The following CCDC60 variants were observed in gnomAD, a reference collection of about 807,000 sequenced individuals.
CCDC60 encodes the protein coiled-coil domain-containing protein 60.
A neutral mutation model predicts 63.5 loss-of-function variants in CCDC60; 54 were observed. That is an observed-to-expected ratio of 0.85 (90% CI 0.68 to 1.07). The LOEUF (loss-of-function observed/expected upper bound fraction) is 1.07. CCDC60 is among the 50% of genes least tolerant of loss of function. The pLI is 0.00. For synonymous variants in CCDC60, 206 were observed against 238.8 expected (o/e 0.86, Z 1.27); for missense variants, 651 against 684.3 (o/e 0.95, Z 0.54).
chr12:119,534,540 T>C (rs1444327258), intron 13 of CCDC60, among the ~76,000 whole-genome samples: 2 of 152,316 alleles, frequency 1.3e-5, no homozygotes, highest in Non-Finnish European at 2.9e-5. Context: ...CAGTATGATA[T>C]TGGCTGTGGG....
At chr12:119,479,443 C>G in intron 4 of CCDC60, 1 of 486,290 alleles carries the variant, frequency 2.1e-6, no homozygotes, top group South Asian at 2.3e-5. Context: ...GCCAGACGCT[C>G]TAATGTCAAA....
At position 119,410,183 on chromosome 12, in the gene CCDC60, G is replaced by GTGTGTGTGTGTGTGTGTGTC. The variant is rs1956568394; in HGVS notation, c.91-18483_91-18482insGTCTGTGTGTGTGTGTGTGT. Among the ~76,000 whole-genome samples, 2 of 13,320 alleles carry GTGTGTGTGTGTGTGTGTGTC rather than the reference G, an allele frequency of 1.5e-4. No homozygotes were observed. The highest frequency in any genetic ancestry group is 8.1e-4 in the African/African-American group (2 of 2,482). 8.7% of individuals were successfully genotyped at this position (13,320 alleles called of 152,430 possible). ...AAGGTAGATGCTAGTGTTGGAAAGA[G>GTGTGTGTGTGTGTGTGTGTC]TGTGTGTGTGTGTGTGTCTGTGTGT... On this transcript the variant is annotated intron_variant, in intron 1 of 13. Coordinates refer to ENST00000327554, the MANE Select transcript of CCDC60 (RefSeq NM_178499.5). The surrounding 1 kb of genome is among the most constrained non-coding windows in gnomAD (Gnocchi z 4.0).
chr12:119,461,610 A>T (rs1950858414), intron 2 of CCDC60, among the ~76,000 whole-genome samples: 1 of 152,182 alleles, frequency 6.6e-6, no homozygotes, highest in Non-Finnish European at 1.5e-5. Context: ...GTTGAGAAGA[A>T]ATTGTATTGC....
At chr12:119,442,443 G>A (rs756155630) in intron 2 of CCDC60, among the ~76,000 whole-genome samples, 10 of 152,122 alleles carry the variant, frequency 6.6e-5, no homozygotes, top group South Asian at 2.1e-4. Context: ...GCGAAACCAC[G>A]TCTCTATGAA....
At chr12:119,377,950 C>T (rs1423380466) in intron 1 of CCDC60, among the ~76,000 whole-genome samples, 4 of 152,064 alleles carry the variant, frequency 2.6e-5, no homozygotes, top group East Asian at 1.9e-4. Flanking sequence ...GTTTCATAGG[C>T]GAAAGAAAGA....
chr12:119,418,382 CT>C (rs1202154024), intron 1 of CCDC60, among the ~76,000 whole-genome samples: 1 of 60,726 alleles, frequency 1.6e-5, no homozygotes, highest in African/African-American at 5.3e-5. Flanking sequence ...CCTTTTCTTT[CT>C]TTCTTTTTTT....
chr12:119,513,894 A>AAGTACT (rs1952281512), intron 7 of CCDC60, among the ~76,000 whole-genome samples: 1 of 152,218 alleles, frequency 6.6e-6, no homozygotes, highest in Admixed American at 6.5e-5. Flanking sequence ...TGGTTTATAT[A>AAGTACT]AGTACTACAC....
intron 2 of CCDC60, among the ~76,000 whole-genome samples, chr12:119,433,926 G>T (rs983509611): frequency 1.3e-5 from 2 of 152,180 alleles, no homozygotes; most frequent in Admixed American, 1.3e-4. Flanking sequence ...GACAATCAGG[G>T]TCTCTTTGCA....
Position 119,388,313 on chromosome 12 carries a change from G to A in CCDC60, c.91-40370G>A, listed in dbSNP as rs76512611. The A allele has an allele frequency of 2.0e-5, 3 of 152,340 alleles. No homozygotes were observed. The East Asian group carries it at 5.8e-4, about 29-fold the overall frequency. 9.4% of individuals were successfully genotyped at this position (152,340 alleles called of 1,614,324 possible). ...ACCGTGACTGTCATGGACCAATTGT[G>A]ATTCCTTCTCTTGTTCTTGGAGGAA... On this transcript the variant is annotated intron_variant, in intron 1 of 13. Coordinates refer to ENST00000327554, the MANE Select transcript of CCDC60 (RefSeq NM_178499.5).
At chr12:119,511,344 A>T (rs995620211) in intron 7 of CCDC60, among the ~76,000 whole-genome samples, 1 of 152,196 alleles carries the variant, frequency 6.6e-6, no homozygotes, top group Non-Finnish European at 1.5e-5. Context: ...TGTTGATGCA[A>T]ATCACTGGAG....
intron 6 of CCDC60, among the ~76,000 whole-genome samples, chr12:119,504,477 A>G (rs150500134): frequency 6.6e-6 from 1 of 152,290 alleles, no homozygotes; most frequent in Non-Finnish European, 1.5e-5. Context: ...TCCTCCCCCA[A>G]GAATGCCACT....
intron 1 of CCDC60, among the ~76,000 whole-genome samples, chr12:119,366,497 T>C (rs1955841805): frequency 6.6e-6 from 1 of 152,236 alleles, no homozygotes; most frequent in East Asian, 1.9e-4. Flanking sequence ...AGGAGCAAGG[T>C]GGAGATGGGA....
chr12:119,418,386 C>CTTTTTTTTTTTTTTTTTTTTT (rs556783132), intron 1 of CCDC60, among the ~76,000 whole-genome samples: 2 of 65,752 alleles, frequency 3.0e-5, no homozygotes, highest in African/African-American at 6.4e-5. Flanking sequence ...TTCTTTCTTT[C>CTTTTTTTTTTTTTTTTTTTTT]TTTTTTTTTT....
At chr12:119,463,786 T>C (rs1167937348) in intron 2 of CCDC60, among the ~76,000 whole-genome samples, 1 of 152,256 alleles carries the variant, frequency 6.6e-6, no homozygotes, top group East Asian at 1.9e-4. Flanking sequence ...CTTATGGCCC[T>C]GCACATGAAG....
chr12:119,336,673 CTA>C (rs796585204), intron 1 of CCDC60, among the ~76,000 whole-genome samples: 6 of 152,214 alleles, frequency 3.9e-5, no homozygotes, highest in African/African-American at 1.4e-4. Flanking sequence ...TTCCTTGTGT[CTA>C]TGAATTTAGA....
At chr12:119,469,573 T>G (rs2136322244) in intron 2 of CCDC60, among the ~76,000 whole-genome samples, 1 of 152,334 alleles carries the variant, frequency 6.6e-6, no homozygotes, top group African/African-American at 2.4e-5. Flanking sequence ...TTCCTTGATT[T>G]TATAAGAATA....
intron 1 of CCDC60, among the ~76,000 whole-genome samples, chr12:119,386,157 G>A (rs905594918): frequency 2.0e-5 from 3 of 152,128 alleles, no homozygotes; most frequent in African/African-American, 7.2e-5. Context: ...GGACTCACTG[G>A]CATCCTCTTT....
At position 119,467,455 on chromosome 12, in the gene CCDC60, G is replaced by A. The variant is rs142853302; in HGVS notation, c.171-4539G>A. 6.1e-4 allele frequency among the ~76,000 whole-genome samples: 93 copies of A among 152,314 alleles called. No homozygotes were observed. The East Asian group carries it at 0.015, about 25-fold the overall frequency. On this transcript the variant is annotated intron_variant, in intron 2 of 13. Transcript: ENST00000327554. ...GATTAGCCTCCACCTTTGTGAATGCGATTAGTGCCCCTATAAAAGAGACTC... is the reference window on the plus strand; with the variant it reads ...GATTAGCCTCCACCTTTGTGAATGCAATTAGTGCCCCTATAAAAGAGACTC...
In CCDC60 at chr12:119,456,268, C is replaced by G. The variant is rs1455402510; in HGVS notation, c.171-15726C>G. On this transcript the variant is annotated intron_variant, in intron 2 of 13. Coordinates refer to ENST00000327554, the MANE Select transcript of CCDC60 (RefSeq NM_178499.5). This position sits in a 1 kb window ranked among gnomAD's most constrained non-coding sequence, Gnocchi z 4.6. ...TGAGATTTGCCTTTTCAAAAAAGCC[C>G]TGGGGCAGCCAGGTGGCCAATAGGA... Among the ~76,000 whole-genome samples, 1 of 152,102 alleles carries G rather than the reference C, an allele frequency of 6.6e-6. No individual in the cohort carries two copies. The highest frequency in any genetic ancestry group is 1.5e-5 in the Non-Finnish European group (1 of 68,000).
Sources: gnomAD v4.1 joint callset for allele counts (sites outside exome capture counted in the v4.1 genomes callset) on GRCh38, gnomAD v4.1.1 for gene constraint, Gnocchi (gnomAD v3.1) non-coding constraint, MANE v1.5 for transcripts, NCBI Gene and HGNC (gene_info 2026-07-23, HGNC 2026-07-21) for gene names.